USH2A: variants seen among roughly 807,000 people sequenced by gnomAD.
USH2A encodes the protein Usher syndrome 2A (autosomal recessive, mild).
Under a neutral mutation model 538.9 loss-of-function variants are expected in USH2A, and 443 were observed. That is an observed-to-expected ratio of 0.82 (90% CI 0.76 to 0.89). USH2A has a LOEUF of 0.89. Ranked by LOEUF, USH2A falls within the 40% of genes least tolerant of loss-of-function variation. The pLI is 0.00. For missense variants in USH2A, 6,633 were observed against 6,324.8 expected (o/e 1.05, Z -1.65); for synonymous variants, 2,413 against 2,273.5 (o/e 1.06, Z -1.75).
chr1:215,807,102 A>G (rs1348220363), intron 49 of USH2A, among the ~76,000 whole-genome samples: 1 of 152,052 alleles, frequency 6.6e-6, no homozygotes, highest in Non-Finnish European at 1.5e-5. Flanking sequence ...GTTTAATAAT[A>G]TGAAGTGAGA....
rs531212137 is a variant in USH2A at position 215,926,013 on chromosome 1, G to A, written c.7300+8603C>T. ...AGCCTGGGTGACAGAGCGAGACTCC[G>A]TCTCAAAAAAACAAGAACAAAAACA... On this transcript the variant is annotated intron_variant, in intron 38 of 71. Coordinates refer to ENST00000307340, the MANE Select transcript of USH2A (RefSeq NM_206933.4). Among the ~76,000 whole-genome samples the A allele has an allele frequency of 5.0e-4, 76 of 152,098 alleles. 2 individuals are homozygous for A. In the South Asian group the frequency reaches 6.0e-3, roughly 12 times the overall value.
intron 38 of USH2A, among the ~76,000 whole-genome samples, chr1:215,931,086 G>T (rs140181801): frequency 6.6e-6 from 1 of 151,892 alleles, no homozygotes; most frequent in South Asian, 2.1e-4. Flanking sequence ...AAAAAACAGA[G>T]ACGCCCCTCC....
intron 21 of USH2A, among the ~76,000 whole-genome samples, chr1:216,113,186 C>T (rs2032919134): frequency 6.7e-6 from 1 of 148,904 alleles, no homozygotes; most frequent in South Asian, 2.1e-4. Context: ...CCACCAGATA[C>T]TTTATGAAAT....
Position 216,086,748 on chromosome 1 carries a change from C to G in USH2A, c.4958G>C (p.Arg1653Pro). 1 of 1,612,852 alleles carries G rather than the reference C, an allele frequency of 6.2e-7. No homozygotes were observed. Among genetic ancestry groups the G allele is most frequent in the Non-Finnish European group, 8.5e-7 (1 of 1,179,260 alleles). The change falls in exon 24 of 72, where the codon CGA (arginine) becomes CCA (proline). Residue 1653 changes from arginine (R) to proline (P), a missense_variant. Arg to Pro is a moderately radical substitution (Grantham distance 103, BLOSUM62 -2). Transcript: ENST00000307340. ...ATCCTTCCTGAGGATGGTATAACTT[C>G]GCGGGAGCCCTCCCAGAAAGACTCC... ...NTGVFLGGLP[R>P]SYTILRKDPE...
intron 13 of USH2A, among the ~76,000 whole-genome samples, chr1:216,241,718 G>A (rs9970066): frequency 0.02 from 3,043 of 152,108 alleles, 100 homozygotes; most frequent in African/African-American, 0.067. Context: ...ATCTTTAGTA[G>A]AGATGGAGTT....
At chr1:216,126,396 T>C (rs982396702) in intron 21 of USH2A, among the ~76,000 whole-genome samples, 1 of 152,102 alleles carries the variant, frequency 6.6e-6, no homozygotes, top group Non-Finnish European at 1.5e-5. Context: ...GCTAATTTTT[T>C]GTATTTTTAG....
intron 21 of USH2A, among the ~76,000 whole-genome samples, chr1:216,167,085 G>A (rs541811065): frequency 1.3e-5 from 2 of 151,956 alleles, no homozygotes; most frequent in South Asian, 2.1e-4. Flanking sequence ...CCAAACAAAC[G>A]GCCTATGGCT....
At chr1:216,386,780 G>A (rs1045222621) in intron 3 of USH2A, among the ~76,000 whole-genome samples, 21 of 151,648 alleles carry the variant, frequency 1.4e-4, no homozygotes, top group African/African-American at 4.6e-4. Context: ...GAGCGAACCC[G>A]GGAGGCGGAG....
intron 43 of USH2A, among the ~76,000 whole-genome samples, chr1:215,872,862 C>T (rs1032077149): frequency 6.6e-6 from 1 of 152,018 alleles, no homozygotes; most frequent in African/African-American, 2.4e-5. Flanking sequence ...CCAGCGCCCT[C>T]TTGCTCCCTC....
intron 50 of USH2A, among the ~76,000 whole-genome samples, 190 bp from the exon 51 acceptor site, chr1:215,790,472 A>G (rs889679103): frequency 6.6e-6 from 1 of 152,180 alleles, no homozygotes. Context: ...AGCACTAGAC[A>G]CTAATTAGGA....
chr1:216,167,120 A>G (rs1024521878), intron 21 of USH2A, among the ~76,000 whole-genome samples: 1 of 151,984 alleles, frequency 6.6e-6, no homozygotes, highest in Non-Finnish European at 1.5e-5. Flanking sequence ...CCTTATATAT[A>G]TATACCTTAA....
intron 63 of USH2A, among the ~76,000 whole-genome samples, chr1:215,672,995 G>T (rs143760149): frequency 6.6e-6 from 1 of 152,314 alleles, no homozygotes; most frequent in Non-Finnish European, 1.5e-5. Flanking sequence ...GTTTTTGAAA[G>T]TTGGAGGTAC....
At position 216,323,532 on chromosome 1, in the gene USH2A, TCTCAGTTG is replaced by T; in HGVS notation, c.1484_1491del (p.Thr495AsnfsTer4). 1 of 1,613,548 alleles carries T rather than the reference TCTCAGTTG, an allele frequency of 6.2e-7. No individual in the cohort carries two copies. The highest frequency in any genetic ancestry group is 8.5e-7 in the Non-Finnish European group (1 of 1,179,736). On this transcript the variant is annotated frameshift_variant, in exon 8 of 72. Coordinates refer to ENST00000307340, the MANE Select transcript of USH2A (RefSeq NM_206933.4). LOFTEE classifies it high-confidence loss of function. ...TATCTGTGTCTGAGGTTAACAGCAG[TCTCAGTTG>T]TATAGTACTGCCCATGAAAATGAAA...
At chr1:216,238,003 TG>T (rs756437718) in intron 13 of USH2A, among the ~76,000 whole-genome samples, 6 of 152,228 alleles carry the variant, frequency 3.9e-5, no homozygotes, top group Non-Finnish European at 7.3e-5. Context: ...ATATCAACTT[TG>T]ATGCATTGAT....
chr1:216,333,792 G>T (rs1445696556), intron 4 of USH2A, among the ~76,000 whole-genome samples: 1 of 152,000 alleles, frequency 6.6e-6, no homozygotes. Context: ...ATGGCGTCCA[G>T]AAGGGAGAAG....
At position 215,628,950 on chromosome 1, in the gene USH2A, C is replaced by G. The variant is rs1656162124; in HGVS notation, c.15383G>C (p.Ser5128Thr). 3.7e-6 allele frequency: 6 copies of G among 1,613,962 alleles called. No homozygotes were observed. Among genetic ancestry groups the G allele is most frequent in the African/African-American group, 1.3e-5 (1 of 74,892 alleles). ...NRSACVLRIP[S>T]QNQTSLTYSQ... ...GTAGGTTAGGCTGGTTTGGTTTTGACTCGGGATGCGCAGGACACATGCACT... is the reference window on the plus strand; with the variant it reads ...GTAGGTTAGGCTGGTTTGGTTTTGAGTCGGGATGCGCAGGACACATGCACT... Residue 5128 changes from serine (S) to threonine (T), a missense_variant, in exon 71 of 72, where the codon AGT (serine) becomes ACT (threonine). Physicochemically the swap from Ser to Thr is moderately conservative, Grantham distance 58. Coordinates refer to ENST00000307340, the MANE Select transcript of USH2A (RefSeq NM_206933.4).
intron 32 of USH2A, among the ~76,000 whole-genome samples, chr1:216,002,598 G>A (rs528630070): frequency 7.9e-5 from 12 of 152,052 alleles, no homozygotes; most frequent in Non-Finnish European, 1.3e-4. Flanking sequence ...CCAAATCCAC[G>A]TGACCTTGAA....
At chr1:215,707,363 C>G (rs1044595058) in intron 61 of USH2A, among the ~76,000 whole-genome samples, 1 of 152,164 alleles carries the variant, frequency 6.6e-6, no homozygotes, top group Non-Finnish European at 1.5e-5. Flanking sequence ...GATTGTCACT[C>G]ACACTAGATG....
chr1:216,304,414 G>GTT (rs981056933), intron 9 of USH2A, among the ~76,000 whole-genome samples: 2 of 151,728 alleles, frequency 1.3e-5, no homozygotes, highest in African/African-American at 4.8e-5. Context: ...CACTGCGGCC[G>GTT]TAACTTTTGC....
Sources: allele counts gnomAD v4.1 joint callset (sites outside exome capture counted in the v4.1 genomes callset), GRCh38; gene constraint gnomAD v4.1.1; transcripts MANE v1.5; gene names NCBI Gene and HGNC (gene_info 2026-07-23, HGNC 2026-07-21).